AKAP9: variants seen among roughly 807,000 people sequenced by gnomAD.
The protein encoded by AKAP9 is A-kinase anchor protein 9.
Under a neutral mutation model 488.5 loss-of-function variants are expected in AKAP9, and 311 were observed. The ratio of observed to expected loss-of-function variants is 0.64; its 90% CI spans 0.58 to 0.70. AKAP9 has a LOEUF of 0.70. Among genes scored for constraint, AKAP9 ranks in the 30% least tolerant of loss-of-function variants. AKAP9 has a pLI of 0.00. For synonymous variants in AKAP9, 1,462 were observed against 1,483.5 expected (o/e 0.99, Z 0.33); for missense variants, 4,215 against 4,374.5 (o/e 0.96, Z 1.03).
intron 1 of AKAP9, among the ~76,000 whole-genome samples, chr7:91,957,847 A>G (rs1584572075): frequency 6.6e-6 from 1 of 152,198 alleles, no homozygotes; most frequent in East Asian, 1.9e-4. Context: ...AAATTATTTC[A>G]TGCTTAATTA....
chr7:92,071,150 C>A, intron 28 of AKAP9, 141 bp downstream of exon 28: 1 of 759,018 alleles, frequency 1.3e-6, no homozygotes, highest in Non-Finnish European at 2.3e-6. Context: ...CCAAAATTGA[C>A]CTTGAAGGCA....
At chr7:92,013,943 A>T (rs2130707315) in intron 9 of AKAP9, among the ~76,000 whole-genome samples, 1 of 152,168 alleles carries the variant, frequency 6.6e-6, no homozygotes, top group East Asian at 1.9e-4. Context: ...AAGAATAAAT[A>T]TTGATTTCTG....
intron 28 of AKAP9, among the ~76,000 whole-genome samples, chr7:92,071,593 C>A (rs1276357293): frequency 6.6e-6 from 1 of 152,050 alleles, no homozygotes; most frequent in African/African-American, 2.4e-5. Context: ...ACCTCAACTT[C>A]CTAATTTATA....
intron 26 of AKAP9, among the ~76,000 whole-genome samples, chr7:92,066,849 C>T (rs991562095): frequency 2.0e-5 from 3 of 152,116 alleles, no homozygotes; most frequent in Admixed American, 6.5e-5. Context: ...TCACTGTTTA[C>T]TTTCCCATTT....
At chr7:92,023,091 AAAGT>A (rs2130732786) in intron 14 of AKAP9, 82 bp downstream of exon 14, 2 of 1,453,512 alleles carry the variant, frequency 1.4e-6, no homozygotes, top group East Asian at 4.5e-5. Context: ...GTTATTTAAA[AAAGT>A]AACTTAAGCA....
chr7:91,956,211 T>C (rs1482779645), intron 1 of AKAP9, among the ~76,000 whole-genome samples: 1 of 151,616 alleles, frequency 6.6e-6, no homozygotes, highest in Non-Finnish European at 1.5e-5. Flanking sequence ...CCATCCTGGC[T>C]AGCACGGTGA....
At chr7:91,945,529 CAG>C (rs776868979) in intron 1 of AKAP9, among the ~76,000 whole-genome samples, 18 of 152,152 alleles carry the variant, frequency 1.2e-4, no homozygotes, top group African/African-American at 3.4e-4. Flanking sequence ...AAAACAAAAA[CAG>C]AGGCCAGTGT....
intron 3 of AKAP9, among the ~76,000 whole-genome samples, chr7:91,984,682 C>A (rs1796843952): frequency 6.6e-6 from 1 of 152,086 alleles, no homozygotes; most frequent in African/African-American, 2.4e-5. Flanking sequence ...TCATTGATAG[C>A]TTGATGGGGA....
chr7:92,043,249 A>G (rs1806408036), intron 20 of AKAP9: 1 of 730,842 alleles, frequency 1.4e-6, no homozygotes, highest in African/African-American at 1.9e-5. Context: ...GTGACTGTCA[A>G]CCCTCTTGTG....
At position 92,001,542 on chromosome 7, in the gene AKAP9, A is replaced by T. The variant is rs1283390674; in HGVS notation, c.1625A>T (p.Glu542Val). 1.2e-6 allele frequency: 2 copies of T among 1,613,934 alleles called. No individual in the cohort carries two copies. The highest frequency in any genetic ancestry group is 8.5e-7 in the Non-Finnish European group (1 of 1,179,882). Residue 542 changes from glutamate to valine, a missense_variant, in exon 8 of 50, where the codon GAA (glutamate) becomes GTA (valine). Around this residue, in one of 5 missense-constraint regions of AKAP9, gnomAD observed 2,361 missense variants for 2,430.0 expected, o/e 0.97. Coordinates refer to ENST00000356239, the MANE Select transcript of AKAP9 (RefSeq NM_005751.5). ...DLVEELSFSR[E>V]QIQRARQTIA... ...GTTGAAGAATTGAGCTTTTCAAGGG[A>T]ACAGATTCAGAGAGCTAGACAGACA...
intron 2 of AKAP9, among the ~76,000 whole-genome samples, chr7:91,976,171 C>T (rs550149343): frequency 2.6e-5 from 4 of 152,092 alleles, no homozygotes; most frequent in Non-Finnish European, 5.9e-5. Context: ...GATACGTCCA[C>T]CTCAGCCTCC....
chr7:92,080,424 C>G (rs940207003), intron 31 of AKAP9, among the ~76,000 whole-genome samples: 2 of 151,976 alleles, frequency 1.3e-5, no homozygotes, highest in Admixed American at 1.3e-4. Context: ...CGGTGAAACC[C>G]CGTCTCTACT....
intron 26 of AKAP9, among the ~76,000 whole-genome samples, chr7:92,068,283 A>G (rs1020399047): frequency 6.7e-6 from 1 of 148,994 alleles, no homozygotes; most frequent in African/African-American, 2.5e-5. Flanking sequence ...GGAGAATGGC[A>G]TGAATTCAGG....
intron 25 of AKAP9, among the ~76,000 whole-genome samples, chr7:92,065,915 C>CT (rs1371344199): frequency 1.3e-5 from 2 of 152,122 alleles, no homozygotes; most frequent in Admixed American, 6.6e-5. Context: ...TGTTAAATCT[C>CT]TAATTTCACA....
At chr7:92,066,318 TC>T in intron 25 of AKAP9, 108 bp from the exon 26 acceptor site, 1 of 1,360,882 alleles carries the variant, frequency 7.3e-7, no homozygotes, top group South Asian at 1.2e-5. Flanking sequence ...TGATCATCAG[TC>T]CTTTGTCTTC....
intron 1 of AKAP9, among the ~76,000 whole-genome samples, chr7:91,962,392 T>C (rs1473826534): frequency 6.6e-6 from 1 of 152,180 alleles, no homozygotes; most frequent in Non-Finnish European, 1.5e-5. Flanking sequence ...TTTTAATTCA[T>C]TTAATAAGTA....
At chr7:92,077,092 C>CTTTTTTTTTTT (rs201649179) in intron 29 of AKAP9, 85 bp downstream of exon 29, 7 of 296,968 alleles carry the variant, frequency 2.4e-5, no homozygotes, top group African/African-American at 3.1e-5. Flanking sequence ...ATTATTATTT[C>CTTTTTTTTTTT]TTTCTTTTTT....
chr7:92,039,157 G>A (rs1805651420), intron 17 of AKAP9, among the ~76,000 whole-genome samples: 1 of 152,176 alleles, frequency 6.6e-6, no homozygotes, highest in Non-Finnish European at 1.5e-5. Context: ...ACCCTCCTCA[G>A]CCTCCCAAAG....
intron 31 of AKAP9, 40 bp downstream of exon 31, chr7:92,080,192 A>G: frequency 7.0e-7 from 1 of 1,428,184 alleles, no homozygotes; most frequent in Non-Finnish European, 9.5e-7. Flanking sequence ...AAATACCCCA[A>G]GAAACTAAGC....
Sources: allele counts gnomAD v4.1 joint callset (sites outside exome capture counted in the v4.1 genomes callset), GRCh38; gene constraint gnomAD v4.1.1; regional missense constraint gnomAD v4.1.1; transcripts MANE v1.5; gene names NCBI Gene and HGNC (gene_info 2026-07-23, HGNC 2026-07-21).